Variants in PTPRG observed in about 807,000 individuals in gnomAD.
PTPRG encodes the protein protein tyrosine phosphatase receptor type G, also known as receptor-type tyrosine-protein phosphatase gamma.
PTPRG carries 102 observed loss-of-function variants against 165.3 expected under a neutral mutation model. The observed-to-expected ratio is 0.62, with a 90% CI of 0.53 to 0.73. The LOEUF (loss-of-function observed/expected upper bound fraction) is 0.73, where lower values mean the gene tolerates loss of function less well. PTPRG is among the 30% of genes least tolerant of loss of function. The pLI is 0.00. For missense variants in PTPRG, 1,866 were observed against 1,861.4 expected, an observed-to-expected ratio of 1.00 and a Z score of -0.05; for synonymous variants, 675 against 669.5, an observed-to-expected ratio of 1.01 and a Z score of -0.13.
At chr3:61,972,449 A>G (rs764001295) in intron 2 of PTPRG, among the ~76,000 whole-genome samples, 1 of 138,844 alleles carries the variant, frequency 7.2e-6, no homozygotes, top group Non-Finnish European at 1.5e-5. Flanking sequence ...AAGTTTTAAC[A>G]GGATCCCTGG....
At chr3:61,998,608 T>A (rs559975920) in intron 3 of PTPRG, among the ~76,000 whole-genome samples, 36 of 152,322 alleles carry the variant, frequency 2.4e-4, no homozygotes, top group African/African-American at 8.2e-4. Context: ...GTGTGCCCCA[T>A]GCTCAGAAAT....
chr3:61,970,573 G>T (rs929422519), intron 2 of PTPRG, among the ~76,000 whole-genome samples: 1 of 152,156 alleles, frequency 6.6e-6, no homozygotes, highest in African/African-American at 2.4e-5. Context: ...ATATGCAAGG[G>T]GAAGAAACTC....
chr3:61,688,893 C>T (rs1365996830), intron 1 of PTPRG, among the ~76,000 whole-genome samples: 2 of 152,302 alleles, frequency 1.3e-5, no homozygotes, highest in African/African-American at 4.8e-5. Flanking sequence ...TATTCTTGAA[C>T]TGTCCTGCCC....
intron 5 of PTPRG, among the ~76,000 whole-genome samples, chr3:62,098,727 A>G (rs377041135): frequency 6.6e-5 from 10 of 152,268 alleles, no homozygotes; most frequent in African/African-American, 2.2e-4. Flanking sequence ...AGGTTTTATG[A>G]GTGGACAGGT....
chr3:62,281,544 T>TTTTTTTTTTTTTTTTTTTTTG lies in PTPRG; in HGVS notation c.3766-12_3766-11insTTTTTTTTTTTTTGTTTTTTT. ...CTTGACAGAACTGCAGAGGCTTTTT[T>TTTTTTTTTTTTTTTTTTTTTG]TTTTTTTGGATTCCAAAGGCAGAAG... On this transcript the variant is annotated intron_variant, in intron 26 of 29. Transcript: ENST00000474889. 1.5e-6 allele frequency: 2 copies of TTTTTTTTTTTTTTTTTTTTTG among 1,367,924 alleles called. No individual in the cohort carries two copies. Among genetic ancestry groups the TTTTTTTTTTTTTTTTTTTTTG allele is most frequent in the South Asian group, 1.4e-5 (1 of 71,338 alleles). The allele number at this position is 1,367,924 out of a possible 1,614,324, so 84.7% of individuals were successfully genotyped here. A position where few individuals can be genotyped will look rare whatever the true frequency, so the allele number is the denominator to read the frequency against.
At chr3:61,614,228 C>T (rs758098583) in intron 1 of PTPRG, among the ~76,000 whole-genome samples, 1 of 152,100 alleles carries the variant, frequency 6.6e-6, no homozygotes, top group African/African-American at 2.4e-5. Context: ...CCCCATCCTT[C>T]TGTTAGTTGC....
chr3:62,068,070 G>A (rs1330824017), intron 4 of PTPRG, among the ~76,000 whole-genome samples: 1 of 152,172 alleles, frequency 6.6e-6, no homozygotes, highest in Non-Finnish European at 1.5e-5. Context: ...CTAGATTTGA[G>A]TCCCAGTGTT....
chr3:61,867,309 G>A (rs1387738469), intron 2 of PTPRG, among the ~76,000 whole-genome samples: 1 of 152,132 alleles, frequency 6.6e-6, no homozygotes, highest in East Asian at 1.9e-4. Flanking sequence ...TGCCTGAAGT[G>A]AGAATGGTTA....
chr3:62,289,127 C>T (rs1051876259), intron 28 of PTPRG, among the ~76,000 whole-genome samples: 4 of 152,172 alleles, frequency 2.6e-5, no homozygotes, highest in African/African-American at 7.2e-5. Context: ...TCTCACTATG[C>T]GATCTTGGCC....
At chr3:61,975,315 G>A (rs555856731) in intron 2 of PTPRG, among the ~76,000 whole-genome samples, 1 of 152,166 alleles carries the variant, frequency 6.6e-6, no homozygotes, top group Non-Finnish European at 1.5e-5. Flanking sequence ...GTGAATTTGA[G>A]AATTATGTGA....
intron 2 of PTPRG, among the ~76,000 whole-genome samples, chr3:61,904,099 C>A (rs763827973): frequency 6.6e-6 from 1 of 152,130 alleles, no homozygotes; most frequent in African/African-American, 2.4e-5. Context: ...GTATTTCTTT[C>A]CACAGCCGGG....
intron 2 of PTPRG, among the ~76,000 whole-genome samples, chr3:61,810,254 G>C (rs1232640749): frequency 6.6e-6 from 1 of 152,316 alleles, no homozygotes; most frequent in East Asian, 1.9e-4. Flanking sequence ...TTCAGTTCTA[G>C]ACCAAAAATG....
chr3:61,724,090 G>A (rs552365138), intron 1 of PTPRG, among the ~76,000 whole-genome samples: 11 of 152,078 alleles, frequency 7.2e-5, no homozygotes, highest in Non-Finnish European at 1.2e-4. Context: ...AAATTAGCCT[G>A]GGTGTGGCAG....
intron 1 of PTPRG, among the ~76,000 whole-genome samples, chr3:61,710,105 A>G (rs964375933): frequency 6.6e-6 from 1 of 152,162 alleles, no homozygotes; most frequent in African/African-American, 2.4e-5. Context: ...TTTGAGCCAT[A>G]GGTTTGTTGC....
In PTPRG at chr3:61,575,354, G is replaced by A. The variant is rs537247761; in HGVS notation, c.85+12982G>A. On this transcript the variant is annotated intron_variant, in intron 1 of 29. Coordinates refer to ENST00000474889, the MANE Select transcript of PTPRG (RefSeq NM_002841.4). ...AAATGGGGTTGAGGGAATGAGACTT[G>A]AAGACAAGTGGATTCTGATGAAAGA... 3.3e-5 allele frequency among the ~76,000 whole-genome samples: 5 copies of A among 152,234 alleles called. No individual in the cohort carries two copies. The South Asian group carries it at 1.0e-3, about 32-fold the overall frequency.
chr3:62,241,638 GAA>G (rs908675009), intron 14 of PTPRG, among the ~76,000 whole-genome samples: 1 of 150,014 alleles, frequency 6.7e-6, no homozygotes, highest in Admixed American at 6.6e-5. Context: ...GTCTTGTAGG[GAA>G]AAAAAAATCT....
At chr3:62,177,746 C>T in intron 8 of PTPRG, among the ~76,000 whole-genome samples, 1 of 152,078 alleles carries the variant, frequency 6.6e-6, no homozygotes, top group East Asian at 1.9e-4. Context: ...CCTAACTGAC[C>T]CCTCCTCAGC....
chr3:61,810,775 A>G (rs1489502674), intron 2 of PTPRG, among the ~76,000 whole-genome samples: 4 of 152,238 alleles, frequency 2.6e-5, no homozygotes, highest in Non-Finnish European at 5.9e-5. Flanking sequence ...GGCATTTTTT[A>G]TAAGTAATTC....
intron 2 of PTPRG, among the ~76,000 whole-genome samples, chr3:61,805,837 T>C (rs1245882342): frequency 1.3e-5 from 2 of 152,310 alleles, no homozygotes; most frequent in Admixed American, 6.5e-5. Context: ...ATGTGATTTC[T>C]TGAGAATGGT....
Sources: allele counts gnomAD v4.1 joint callset (sites outside exome capture counted in the v4.1 genomes callset), GRCh38; gene constraint gnomAD v4.1.1; transcripts MANE v1.5; gene names NCBI Gene and HGNC (gene_info 2026-07-23, HGNC 2026-07-21).